The following CHMP5 variants were observed in gnomAD, a reference collection of about 807,000 sequenced individuals.
CHMP5 encodes the protein SNF7 domain containing 2.
Under a neutral mutation model 33.0 loss-of-function variants are expected in CHMP5, and 17 were observed. The ratio of observed to expected loss-of-function variants is 0.52; its 90% CI spans 0.35 to 0.77. CHMP5 has a LOEUF of 0.77. CHMP5 is among the 30% of genes least tolerant of loss of function. The pLI is 0.01. For missense variants in CHMP5, 216 were observed against 261.5 expected (o/e 0.83, Z 1.20); for synonymous variants, 76 against 90.2 (o/e 0.84, Z 0.89).
At chr9:33,278,538 A>G (rs760865688) in intron 7 of CHMP5, among the ~76,000 whole-genome samples, 1 of 152,256 alleles carries the variant, frequency 6.6e-6, no homozygotes, top group Non-Finnish European at 1.5e-5. Flanking sequence ...CGTAAGCAAC[A>G]CATGCATGAG....
Position 33,265,056 on chromosome 9 carries a change from G to C in CHMP5, c.-23G>C. On this transcript the variant is annotated 5_prime_UTR_variant, in exon 1 of 8. Coordinates refer to ENST00000223500, the MANE Select transcript of CHMP5 (RefSeq NM_016410.6). ...CGTTTCTGGTTTTGCTCTAGTGTTT[G>C]GGTTTCTTCGCGGCTGCTCAAGATG... The C allele has an allele frequency of 1.2e-6, 2 of 1,614,090 alleles. No individual in the cohort carries two copies. Among genetic ancestry groups the C allele is most frequent in the Non-Finnish European group, 1.7e-6 (2 of 1,179,908 alleles).
At chr9:33,270,567 T>G in intron 3 of CHMP5, 56 bp from the exon 4 acceptor site, 1 of 1,337,204 alleles carries the variant, frequency 7.5e-7, no homozygotes. Context: ...GATACTTTGT[T>G]CTTGAGGATT....
intron 2 of CHMP5, among the ~76,000 whole-genome samples, 159 bp downstream of exon 2, chr9:33,266,273 C>T (rs1409865933): frequency 6.6e-6 from 1 of 152,198 alleles, no homozygotes; most frequent in African/African-American, 2.4e-5. Context: ...GCATTTGAGA[C>T]TAGCCTGGCC....
At chr9:33,266,292 G>A (rs545374046) in intron 2 of CHMP5, among the ~76,000 whole-genome samples, 178 bp downstream of exon 2, 3 of 152,274 alleles carry the variant, frequency 2.0e-5, no homozygotes, top group East Asian at 1.9e-4. Flanking sequence ...CCAACATAGC[G>A]AAACCCTGTC....
chr9:33,277,975 C>T (rs1820874949), intron 6 of CHMP5, 138 bp from the exon 7 acceptor site: 20 of 533,480 alleles, frequency 3.7e-5, no homozygotes, highest in South Asian at 3.6e-4. Flanking sequence ...TCTGATTTCA[C>T]GTAATGGTCA....
chr9:33,271,504 A>G (rs1365627943), intron 5 of CHMP5, among the ~76,000 whole-genome samples: 1 of 152,252 alleles, frequency 6.6e-6, no homozygotes, highest in Admixed American at 6.5e-5. Flanking sequence ...AGTAGAAACC[A>G]TACTTTGAGT....
chr9:33,270,565 G>T lies in CHMP5; in HGVS notation c.222-58G>T. 27 of 1,298,644 alleles carry T rather than the reference G, an allele frequency of 2.1e-5. 2 individuals carry two copies. In the South Asian group the frequency reaches 3.2e-4, roughly 15 times the overall value. 80.4% of individuals were successfully genotyped at this position (1,298,644 alleles called of 1,614,324 possible). On this transcript the variant is annotated intron_variant, in intron 3 of 7. Coordinates refer to ENST00000223500, the MANE Select transcript of CHMP5 (RefSeq NM_016410.6). ...CTCTTATTTAGTGTGGGGATACTTT[G>T]TTCTTGAGGATTTCTATCTGGTTCA...
At position 33,278,179 on chromosome 9, in the gene CHMP5, C is replaced by G. The variant is rs762285696; in HGVS notation, c.563C>G (p.Ser188Cys). The change falls in exon 7 of 8, where the codon TCT becomes TGT. Residue 188 changes from serine to cysteine, a missense_variant. Transcript: ENST00000223500. The stretch of plus-strand genomic sequence containing the variant: ...AGTTCTTATTTGGATGAGGCAGCAT[C>G]TGCACCTGCAATTCCAGAAGGTGTT... Reference protein sequence around the residue: ...EDSSYLDEAASAPAIPEGVPT... With the variant: ...EDSSYLDEAACAPAIPEGVPT... 1.2e-6 allele frequency: 2 copies of G among 1,613,284 alleles called. No homozygotes were observed. The highest frequency in any genetic ancestry group is 2.7e-5 in the African/African-American group (2 of 74,922).
intron 3 of CHMP5, among the ~76,000 whole-genome samples, chr9:33,269,120 A>G (rs577849333): frequency 1.1e-4 from 17 of 152,366 alleles, no homozygotes; most frequent in African/African-American, 4.1e-4. Context: ...TTGAGGTAAT[A>G]TTATAATTTG....
chr9:33,267,944 A>T, intron 3 of CHMP5, 45 bp downstream of exon 3: 1 of 1,310,726 alleles, frequency 7.6e-7, no homozygotes, highest in South Asian at 1.2e-5. Context: ...TTTAACTAAA[A>T]GAGAAATGGT....
Position 33,280,829 on chromosome 9 carries a change from AT to A in CHMP5, c.633del (p.Phe211LeufsTer19). ...TACAGGATGGAGTTCTGGTGGATGA[AT>A]TTGGATTGCCACAGATCCCTGCTTC... The part of the protein sequence containing the change: ...KNKDGVLVDE[F>X]GLPQIPAS On this transcript the variant is annotated frameshift_variant, in exon 8 of 8. Coordinates refer to ENST00000223500, the MANE Select transcript of CHMP5 (RefSeq NM_016410.6). LOFTEE classifies it high-confidence loss of function. The A allele has an allele frequency of 6.2e-7, 1 of 1,612,342 alleles. No individual in the cohort carries two copies. Among genetic ancestry groups the A allele is most frequent in the South Asian group, 1.1e-5 (1 of 90,656 alleles).
chr9:33,273,905 G>T (rs1317892907), intron 5 of CHMP5, among the ~76,000 whole-genome samples: 2 of 151,558 alleles, frequency 1.3e-5, no homozygotes, highest in Non-Finnish European at 2.9e-5. Flanking sequence ...CTTTCTCTAT[G>T]TTATTTTCAT....
At chr9:33,280,515 C>T (rs1180923960) in intron 7 of CHMP5, among the ~76,000 whole-genome samples, 6 of 152,154 alleles carry the variant, frequency 3.9e-5, no homozygotes, top group African/African-American at 1.4e-4. Flanking sequence ...TCCTTTTTGA[C>T]TCTCCCAGCC....
In CHMP5 at chr9:33,266,206, C is replaced by T. The variant is rs1169722752; in HGVS notation, c.174+92C>T. The stretch of plus-strand genomic sequence containing the variant: ...GGCCTAGTTCGGCTGGGCGCAGTGG[C>T]TCATGCATGTAATCCCAGCACTTTG... On this transcript the variant is annotated intron_variant, in intron 2 of 7. Transcript: ENST00000223500. The T allele has an allele frequency of 1.8e-5, 13 of 740,832 alleles. No individual in the cohort carries two copies. In the Admixed American group the frequency reaches 2.8e-4, roughly 16 times the overall value. 45.9% of individuals were successfully genotyped at this position (740,832 alleles called of 1,614,324 possible).
chr9:33,267,427 T>C (rs556461506), intron 2 of CHMP5, among the ~76,000 whole-genome samples: 39 of 152,218 alleles, frequency 2.6e-4, no homozygotes, highest in Non-Finnish European at 5.0e-4. Context: ...AAAAAGGTTT[T>C]CAACCTAGAG....
intron 6 of CHMP5, 159 bp from the exon 7 acceptor site, chr9:33,277,954 T>G (rs1323645388): frequency 2.0e-6 from 1 of 512,736 alleles, no homozygotes; most frequent in East Asian, 2.9e-5. Context: ...ACCACAGACT[T>G]ATTTTTGGAG....
At chr9:33,265,259 T>TA in intron 1 of CHMP5, 112 bp downstream of exon 1, 1 of 994,656 alleles carries the variant, frequency 1.0e-6, no homozygotes. Context: ...CTGGGCCCCT[T>TA]ACACGTCGTC....
intron 6 of CHMP5, chr9:33,277,737 G>T (rs1020344989): frequency 1.2e-5 from 2 of 169,688 alleles, no homozygotes; most frequent in African/African-American, 4.8e-5. Context: ...GTAGATGACA[G>T]AACCATTCCA....
chr9:33,268,503 A>G (rs1377154159), intron 3 of CHMP5, among the ~76,000 whole-genome samples: 1 of 152,232 alleles, frequency 6.6e-6, no homozygotes, highest in Non-Finnish European at 1.5e-5. Flanking sequence ...GAGGTCAGGT[A>G]TAATTAGCTA....
Sources: allele counts gnomAD v4.1 joint callset (sites outside exome capture counted in the v4.1 genomes callset), GRCh38; gene constraint gnomAD v4.1.1; transcripts MANE v1.5; gene names NCBI Gene and HGNC (gene_info 2026-07-23, HGNC 2026-07-21).